The following SRBD1 variants were observed in gnomAD, a reference collection of about 807,000 sequenced individuals.
SRBD1 encodes S1 RNA-binding domain-containing protein 1.
A neutral mutation model predicts 115.3 loss-of-function variants in SRBD1; 88 were observed. That is an observed-to-expected ratio of 0.76 (90% CI 0.64 to 0.91). SRBD1 has a LOEUF of 0.91. Ranked by LOEUF, SRBD1 falls within the 40% of genes least tolerant of loss-of-function variation. The pLI is 0.00. For synonymous variants in SRBD1, 509 were observed against 407.7 expected (o/e 1.25, Z -2.99); for missense variants, 1,385 against 1,177.4 (o/e 1.18, Z -2.58).
At chr2:45,598,397 G>C (rs569512355) in intron 4 of SRBD1, among the ~76,000 whole-genome samples, 1 of 151,920 alleles carries the variant, frequency 6.6e-6, no homozygotes, top group East Asian at 1.9e-4. Context: ...GGCAGATCAC[G>C]AGGCAGGCAG....
chr2:45,421,431 C>T (rs538204184), intron 16 of SRBD1, among the ~76,000 whole-genome samples: 1 of 137,910 alleles, frequency 7.3e-6, no homozygotes, highest in East Asian at 2.1e-4. Flanking sequence ...GGCATGAACC[C>T]AGGAGGTGGA....
intron 14 of SRBD1, among the ~76,000 whole-genome samples, chr2:45,490,971 T>A (rs796945935): frequency 3.6e-5 from 5 of 140,254 alleles, no homozygotes; most frequent in African/African-American, 1.2e-4. Context: ...AAATCTTAAA[T>A]AACCTAAATG....
rs145185993 is a variant in SRBD1 at position 45,491,127 on chromosome 2, C to T, written c.1875-2796G>A. 4.6e-3 allele frequency among the ~76,000 whole-genome samples: 704 copies of T among 152,236 alleles called. 2 individuals are homozygous for T. The highest frequency in any genetic ancestry group is 7.1e-3 in the Non-Finnish European group (485 of 67,966). On this transcript the variant is annotated intron_variant, in intron 14 of 20. Coordinates refer to ENST00000263736, the MANE Select transcript of SRBD1 (RefSeq NM_018079.5). ...CTAAGAACAAAAGTTTTAATACCCT[C>T]CCTTTTTCATTCCTATTTAAGAGTT...
intron 1 of SRBD1, among the ~76,000 whole-genome samples, chr2:45,608,724 T>C (rs1674349642): frequency 6.6e-6 from 1 of 152,190 alleles, no homozygotes. Flanking sequence ...GAACTCTTGA[T>C]GACCATTTCT....
At chr2:45,478,185 T>C (rs1014882662) in intron 15 of SRBD1, among the ~76,000 whole-genome samples, 2 of 152,122 alleles carry the variant, frequency 1.3e-5, no homozygotes, top group African/African-American at 2.4e-5. Context: ...CTCATACAGG[T>C]TAGATGAAAT....
chr2:45,490,250 C>T (rs556953729), intron 14 of SRBD1, among the ~76,000 whole-genome samples: 12 of 152,192 alleles, frequency 7.9e-5, no homozygotes, highest in African/African-American at 2.9e-4. Flanking sequence ...ATTATAGTGG[C>T]ATTTCCTAAC....
chr2:45,389,494 A>G lies in SRBD1; in HGVS notation c.2804T>C (p.Phe935Ser), dbSNP rs1666939086. The G allele has an allele frequency of 6.2e-7, 1 of 1,613,984 alleles. No homozygotes were observed. The highest frequency in any genetic ancestry group is 8.5e-7 in the Non-Finnish European group (1 of 1,179,970). Residue 935 changes from phenylalanine to serine, a missense_variant, in exon 21 of 21, where the codon TTT becomes TCT. Coordinates refer to ENST00000263736, the MANE Select transcript of SRBD1 (RefSeq NM_018079.5). ...KVENATLFGI[F>S]VDIGVGKSGL... ...AGATTTCCCCACTCCTATATCCACA[A>G]AAATTCCAAAGAGAGTGGCATTCTC...
At chr2:45,457,738 C>G (rs1669197466) in intron 16 of SRBD1, among the ~76,000 whole-genome samples, 2 of 152,098 alleles carry the variant, frequency 1.3e-5, no homozygotes, top group Admixed American at 1.3e-4. Flanking sequence ...CACTGATAGT[C>G]TAATTCAGCT....
intron 14 of SRBD1, among the ~76,000 whole-genome samples, chr2:45,529,491 G>A (rs576014235): frequency 6.6e-6 from 1 of 151,834 alleles, no homozygotes; most frequent in African/African-American, 2.4e-5. Context: ...TCCAAAATCC[G>A]AAAATTTGAA....
intron 4 of SRBD1, among the ~76,000 whole-genome samples, chr2:45,597,864 A>C (rs1673953138): frequency 1.3e-5 from 2 of 152,234 alleles, no homozygotes; most frequent in South Asian, 4.1e-4. Flanking sequence ...AAGCAGAGTC[A>C]TAGAATAAGT....
intron 16 of SRBD1, among the ~76,000 whole-genome samples, chr2:45,430,187 T>C (rs1668288903): frequency 6.6e-6 from 1 of 152,062 alleles, no homozygotes; most frequent in Non-Finnish European, 1.5e-5. Flanking sequence ...ATAGGAGGAA[T>C]CAATATTGTG....
At chr2:45,544,533 A>T (rs1672047440) in intron 14 of SRBD1, among the ~76,000 whole-genome samples, 1 of 151,596 alleles carries the variant, frequency 6.6e-6, no homozygotes, top group Non-Finnish European at 1.5e-5. Flanking sequence ...ACCTATGGTG[A>T]GGCTCAACTA....
chr2:45,543,867 A>C (rs1408378337), intron 14 of SRBD1, among the ~76,000 whole-genome samples: 4 of 152,206 alleles, frequency 2.6e-5, no homozygotes, highest in Non-Finnish European at 5.9e-5. Context: ...AATTAACCAC[A>C]CGGGTAGATT....
chr2:45,524,429 A>G (rs113897349), intron 14 of SRBD1, among the ~76,000 whole-genome samples: 2 of 152,086 alleles, frequency 1.3e-5, no homozygotes, highest in African/African-American at 4.8e-5. Flanking sequence ...AACTGTTAGC[A>G]CTAATAAACA....
At position 45,604,434 on chromosome 2, in the gene SRBD1, A is replaced by G. The variant is rs940883026; in HGVS notation, c.80+928T>C. ...TAGAATTAAGCCTTGAGGGATTCCA[A>G]CATTTAGAGGGTGGTGAGAAGAGAA... On this transcript the variant is annotated intron_variant, in intron 2 of 20. Transcript: ENST00000263736. Among the ~76,000 whole-genome samples, 27 of 152,118 alleles carry G rather than the reference A, an allele frequency of 1.8e-4. 1 individual carries two copies. The highest frequency in any genetic ancestry group is 4.6e-4 in the Admixed American group (7 of 15,268).
intron 14 of SRBD1, among the ~76,000 whole-genome samples, chr2:45,518,872 C>T (rs1671198812): frequency 6.8e-6 from 1 of 146,136 alleles, no homozygotes; most frequent in Admixed American, 6.9e-5. Context: ...TTGGTTTGTA[C>T]AAGTAAAAAA....
intron 1 of SRBD1, among the ~76,000 whole-genome samples, chr2:45,605,928 A>T (rs1674257073): frequency 6.6e-6 from 1 of 151,658 alleles, no homozygotes; most frequent in Non-Finnish European, 1.5e-5. Flanking sequence ...AAGAAAAAAA[A>T]AGAGTAGCTA....
chr2:45,454,437 T>C (rs1228131565), intron 16 of SRBD1, among the ~76,000 whole-genome samples: 1 of 151,894 alleles, frequency 6.6e-6, no homozygotes, highest in Non-Finnish European at 1.5e-5. Flanking sequence ...TGGAATATAA[T>C]ACAAATTAAT....
At chr2:45,610,660 C>CT (rs1238256057) in intron 1 of SRBD1, among the ~76,000 whole-genome samples, 1 of 152,194 alleles carries the variant, frequency 6.6e-6, no homozygotes, top group Admixed American at 6.5e-5. Context: ...TGAGCGCCTC[C>CT]TACATGCCAG....
Sources: gnomAD v4.1 joint callset for allele counts (sites outside exome capture counted in the v4.1 genomes callset) on GRCh38, gnomAD v4.1.1 for gene constraint, MANE v1.5 for transcripts, NCBI Gene and HGNC (gene_info 2026-07-23, HGNC 2026-07-21) for gene names.